MAST4: variants seen among roughly 807,000 people sequenced by gnomAD.
The protein encoded by MAST4 is microtubule-associated serine/threonine-protein kinase 4.
A neutral mutation model predicts 162.7 loss-of-function variants in MAST4; 89 were observed. That is an observed-to-expected ratio of 0.55 (90% CI 0.46 to 0.65). The LOEUF (loss-of-function observed/expected upper bound fraction) is 0.65. Among genes scored for constraint, MAST4 ranks in the 30% least tolerant of loss-of-function variants. The probability of loss-of-function intolerance (pLI) is 0.00; values close to 1 mark genes in which losing one functional copy is unlikely to be tolerated. For missense variants in MAST4, 3,153 were observed against 3,374.0 expected (o/e 0.93, Z 1.62); for synonymous variants, 1,479 against 1,361.1 (o/e 1.09, Z -1.91).
intron 2 of MAST4, among the ~76,000 whole-genome samples, chr5:66,769,616 T>C (rs1279394031): frequency 1.3e-5 from 2 of 152,176 alleles, no homozygotes; most frequent in Non-Finnish European, 2.9e-5. Context: ...TGTAACACAA[T>C]GTATAACAAA....
chr5:66,797,073 A>G (rs1446106227), intron 3 of MAST4, among the ~76,000 whole-genome samples: 1 of 152,198 alleles, frequency 6.6e-6, no homozygotes, highest in East Asian at 1.9e-4. Context: ...TGTTATGGAA[A>G]TGCCCACTGG....
chr5:66,876,943 T>G (rs1761344067), intron 3 of MAST4, among the ~76,000 whole-genome samples: 1 of 152,204 alleles, frequency 6.6e-6, no homozygotes, highest in African/African-American at 2.4e-5. Flanking sequence ...GCTTAAAAAA[T>G]CAATTCTGCA....
intron 5 of MAST4, among the ~76,000 whole-genome samples, chr5:67,077,439 GC>G (rs1160571748): frequency 6.6e-6 from 1 of 152,122 alleles, no homozygotes; most frequent in Non-Finnish European, 1.5e-5. Flanking sequence ...CCTAAGAAGC[GC>G]CTGGAGTACT....
Position 66,884,938 on chromosome 5 carries a change from G to A in MAST4, c.643-15013G>A, listed in dbSNP as rs113650427. On this transcript the variant is annotated intron_variant, in intron 3 of 28. Transcript: ENST00000403625. ...TAACGTCTTCCCCCATATACCTCTG[G>A]GCATATCATTTGGGCTGAATCTTGC... is the stretch of plus-strand genomic sequence containing the variant. 7.6e-3 allele frequency among the ~76,000 whole-genome samples: 1,155 copies of A among 152,214 alleles called. 20 individuals are homozygous for A. Among genetic ancestry groups the A allele is most frequent in the African/African-American group, 0.026 (1,094 of 41,514 alleles).
intron 1 of MAST4, among the ~76,000 whole-genome samples, chr5:66,665,527 A>C (rs977050889): frequency 5.3e-5 from 8 of 152,210 alleles, no homozygotes; most frequent in Non-Finnish European, 1.2e-4. Flanking sequence ...AGTTTTAATA[A>C]CATATTTAAT....
At chr5:67,120,098 C>T (rs912197021) in intron 13 of MAST4, among the ~76,000 whole-genome samples, 4 of 152,112 alleles carry the variant, frequency 2.6e-5, no homozygotes, top group African/African-American at 9.7e-5. Flanking sequence ...GGCCAGAGGC[C>T]AAAGGGGAGC....
At chr5:66,827,333 A>G (rs1280435323) in intron 3 of MAST4, among the ~76,000 whole-genome samples, 1 of 152,204 alleles carries the variant, frequency 6.6e-6, no homozygotes, top group Admixed American at 6.5e-5. Context: ...AGTGGTATCA[A>G]ATCAACATGC....
intron 13 of MAST4, among the ~76,000 whole-genome samples, chr5:67,119,412 G>A (rs1333428230): frequency 6.6e-6 from 1 of 152,126 alleles, no homozygotes; most frequent in Non-Finnish European, 1.5e-5. Flanking sequence ...GAGGAACCAG[G>A]ATGCATCAGA....
At chr5:66,919,978 T>A (rs866682590) in intron 4 of MAST4, among the ~76,000 whole-genome samples, 1 of 126,934 alleles carries the variant, frequency 7.9e-6, no homozygotes, top group Non-Finnish European at 1.6e-5. Flanking sequence ...CCTTCCTTCT[T>A]TCTCTCTCTC....
intron 4 of MAST4, 131 bp from the exon 5 acceptor site, chr5:67,054,273 T>C: frequency 1.5e-6 from 1 of 652,500 alleles, no homozygotes; most frequent in Non-Finnish European, 2.6e-6. Flanking sequence ...AGTGAATGCA[T>C]AATTGTAATA....
chr5:66,740,891 C>T (rs1187312369), intron 1 of MAST4, among the ~76,000 whole-genome samples: 5 of 152,084 alleles, frequency 3.3e-5, no homozygotes, highest in Admixed American at 1.3e-4. Context: ...TTATAAGCTT[C>T]GAAAACCTCA....
intron 4 of MAST4, among the ~76,000 whole-genome samples, chr5:66,920,151 A>G (rs1561446504): frequency 6.6e-6 from 1 of 152,174 alleles, no homozygotes; most frequent in Non-Finnish European, 1.5e-5. Context: ...TCAAAAGCCA[A>G]GAGTCAATCG....
chr5:66,956,448 C>T (rs1745324188), intron 4 of MAST4, among the ~76,000 whole-genome samples: 1 of 152,136 alleles, frequency 6.6e-6, no homozygotes, highest in Non-Finnish European at 1.5e-5. Context: ...TTAGAGTCTA[C>T]AAAATTTTGA....
intron 13 of MAST4, among the ~76,000 whole-genome samples, chr5:67,119,998 G>A (rs1767379278): frequency 6.6e-6 from 1 of 152,192 alleles, no homozygotes; most frequent in Admixed American, 6.5e-5. Context: ...GTAATAGTGA[G>A]TGACTAAACA....
intron 5 of MAST4, among the ~76,000 whole-genome samples, chr5:67,069,642 A>G (rs1760690018): frequency 6.6e-6 from 1 of 152,126 alleles, no homozygotes; most frequent in African/African-American, 2.4e-5. Flanking sequence ...GAATTTTGAG[A>G]GGAAAACAGG....
At chr5:66,601,979 A>C (rs557924262) in intron 1 of MAST4, among the ~76,000 whole-genome samples, 1 of 152,180 alleles carries the variant, frequency 6.6e-6, no homozygotes, top group East Asian at 1.9e-4. Context: ...TAGCTTAGGT[A>C]CTCCAGGTAT....
intron 3 of MAST4, among the ~76,000 whole-genome samples, chr5:66,861,960 A>G (rs982393437): frequency 6.6e-6 from 1 of 152,178 alleles, no homozygotes; most frequent in Non-Finnish European, 1.5e-5. Context: ...CCTGTGTGGT[A>G]AGAAACTGCC....
chr5:66,958,275 G>T (rs1022676088), intron 4 of MAST4, among the ~76,000 whole-genome samples: 1 of 152,138 alleles, frequency 6.6e-6, no homozygotes, highest in Admixed American at 6.6e-5. Context: ...GGGTTGCCAA[G>T]TTTTAAAACA....
intron 14 of MAST4, among the ~76,000 whole-genome samples, chr5:67,126,286 T>C (rs1301717845): frequency 6.6e-6 from 1 of 152,226 alleles, no homozygotes; most frequent in Non-Finnish European, 1.5e-5. Context: ...TTGTTGCCAT[T>C]GCTTTTGGTG....
Sources: allele counts gnomAD v4.1 joint callset (sites outside exome capture counted in the v4.1 genomes callset), GRCh38; gene constraint gnomAD v4.1.1; transcripts MANE v1.5; gene names NCBI Gene and HGNC (gene_info 2026-07-23, HGNC 2026-07-21).